Variants in EDARADD observed in about 807,000 individuals in gnomAD.
EDARADD encodes EDAR associated via death domain.
In EDARADD, 20 loss-of-function variants were observed where a neutral mutation model predicts 25.6. The ratio of observed to expected loss-of-function variants is 0.78; its 90% CI spans 0.55 to 1.14. The LOEUF is 1.14. EDARADD is among the 50% of genes most tolerant of loss of function. EDARADD has a pLI of 0.00. For synonymous variants in EDARADD, 86 were observed against 94.4 expected (o/e 0.91, Z 0.52); for missense variants, 225 against 270.1 (o/e 0.83, Z 1.17).
At chr1:236,471,541 C>T (rs1420722390) in intron 5 of EDARADD, among the ~76,000 whole-genome samples, 1 of 151,818 alleles carries the variant, frequency 6.6e-6, no homozygotes, top group East Asian at 1.9e-4. Flanking sequence ...TCTCCTTCAA[C>T]ACTTGTTGGT....
chr1:236,361,033 AAAAAAC>A (rs921946799), intron 3 of EDARADD, among the ~76,000 whole-genome samples: 1 of 150,268 alleles, frequency 6.7e-6, no homozygotes, highest in Non-Finnish European at 1.5e-5. Flanking sequence ...AGGTTTTTGT[AAAAAAC>A]AAAAACAAAA....
upstream of EDARADD, among the ~76,000 whole-genome samples, chr1:236,392,157 CCAAT>C (rs1667433612): frequency 6.6e-6 from 1 of 152,136 alleles, no homozygotes; most frequent in African/African-American, 2.4e-5. Flanking sequence ...ATGAATGAAA[CCAAT>C]CAATCCATTG....
chr1:236,439,091 G>T (rs141714878), intron 4 of EDARADD, among the ~76,000 whole-genome samples: 239 of 152,284 alleles, frequency 1.6e-3, no homozygotes, highest in Non-Finnish European at 2.3e-3. Context: ...CACATAGTTG[G>T]AATCATATGC....
chr1:236,468,878 A>G (rs562977399), intron 5 of EDARADD, among the ~76,000 whole-genome samples: 73 of 152,030 alleles, frequency 4.8e-4, no homozygotes, highest in Non-Finnish European at 7.8e-4. Flanking sequence ...CTTCCCTCTG[A>G]GTTCTAAGAG....
At chr1:236,468,757 C>G (rs1298206583) in intron 5 of EDARADD, among the ~76,000 whole-genome samples, 2 of 152,216 alleles carry the variant, frequency 1.3e-5, no homozygotes, top group African/African-American at 4.8e-5. Flanking sequence ...TTCACAAAAG[C>G]CTTCAAAGAG....
chr1:236,473,976 G>C (rs1659430339), intron 5 of EDARADD, among the ~76,000 whole-genome samples: 1 of 152,074 alleles, frequency 6.6e-6, no homozygotes, highest in Admixed American at 6.6e-5. Flanking sequence ...CATAAGACTT[G>C]GCAAAAATGG....
chr1:236,406,966 T>C (rs1235040271), intron 1 of EDARADD, among the ~76,000 whole-genome samples: 1 of 152,206 alleles, frequency 6.6e-6, no homozygotes, highest in African/African-American at 2.4e-5. Flanking sequence ...ACACAATTTG[T>C]TTTTCATTTT....
chr1:236,453,267 ATTC>A (rs1216849599), intron 4 of EDARADD, among the ~76,000 whole-genome samples: 1 of 145,576 alleles, frequency 6.9e-6, no homozygotes, highest in Non-Finnish European at 1.5e-5. Flanking sequence ...GTCCCTTGAG[ATTC>A]TTTTTTTCTT....
intron 5 of EDARADD, among the ~76,000 whole-genome samples, chr1:236,475,622 G>T (rs1321791450): frequency 1.3e-5 from 2 of 151,878 alleles, no homozygotes; most frequent in African/African-American, 4.8e-5. Flanking sequence ...AAATTAGCTG[G>T]CAGTAGTGGC....
At chr1:236,458,692 G>A (rs545917432) in intron 4 of EDARADD, among the ~76,000 whole-genome samples, 2 of 135,492 alleles carry the variant, frequency 1.5e-5, no homozygotes, top group South Asian at 4.5e-4. Context: ...TGCCCAGGCT[G>A]GAATGCGATG....
chr1:236,410,056 T>C (rs1657412634), intron 2 of EDARADD, among the ~76,000 whole-genome samples: 1 of 152,124 alleles, frequency 6.6e-6, no homozygotes, highest in South Asian at 2.1e-4. Context: ...TTCACATATA[T>C]TGGTTTTTTA....
chr1:236,350,096 C>A (rs941619431), intron 2 of EDARADD, among the ~76,000 whole-genome samples: 5 of 152,012 alleles, frequency 3.3e-5, no homozygotes, highest in Admixed American at 2.6e-4. Context: ...CAGAGTGAGA[C>A]CCTGTCTCAA....
chr1:236,482,824 CTGTT>C lies in EDARADD; in HGVS notation c.*177_*180del. The C allele has an allele frequency of 1.3e-6, 1 of 791,404 alleles. No homozygotes were observed. The highest frequency in any genetic ancestry group is 2.0e-6 in the Non-Finnish European group (1 of 499,698). 49.0% of individuals were successfully genotyped at this position (791,404 alleles called of 1,614,324 possible). On this transcript the variant is annotated 3_prime_UTR_variant, in exon 6 of 6. Coordinates refer to ENST00000334232, the MANE Select transcript of EDARADD (RefSeq NM_145861.4). ...GGTAGCTTGTTTCGGTGGTGGATCTCTGTTTATTTTTGCACATCTGTTATAATTT... is the reference window on the plus strand; with the variant it reads ...GGTAGCTTGTTTCGGTGGTGGATCTCTATTTTTGCACATCTGTTATAATTT...
At chr1:236,481,364 A>G (rs1412433356) in intron 5 of EDARADD, among the ~76,000 whole-genome samples, 3 of 152,204 alleles carry the variant, frequency 2.0e-5, no homozygotes, top group Non-Finnish European at 4.4e-5. Context: ...TCTGGCCAGC[A>G]GTGTCACAAA....
At chr1:236,454,816 T>G (rs527808205) in intron 4 of EDARADD, among the ~76,000 whole-genome samples, 4 of 152,326 alleles carry the variant, frequency 2.6e-5, no homozygotes, top group Non-Finnish European at 4.4e-5. Context: ...TAGGGAGATA[T>G]AGACTTTTCC....
At chr1:236,441,053 C>G (rs1041910607) in intron 4 of EDARADD, among the ~76,000 whole-genome samples, 1 of 151,978 alleles carries the variant, frequency 6.6e-6, no homozygotes, top group South Asian at 2.1e-4. Context: ...TCATGCTAAA[C>G]AGCCAAGTTA....
chr1:236,466,234 AGAT>A (rs1442050447), intron 4 of EDARADD, among the ~76,000 whole-genome samples: 2 of 152,214 alleles, frequency 1.3e-5, no homozygotes, highest in African/African-American at 4.8e-5. Context: ...GGAGTGTTGC[AGAT>A]GCAAACAGGC....
rs1374086132 is a variant in EDARADD at position 236,395,681 on chromosome 1, GC to G, written c.61+1179del. 1.9e-6 allele frequency: 3 copies of G among 1,560,148 alleles called. No individual in the cohort carries two copies. The highest frequency in any genetic ancestry group is 2.6e-6 in the Non-Finnish European group (3 of 1,156,648). On this transcript the variant is annotated intron_variant, in intron 1 of 5. Coordinates refer to ENST00000334232, the MANE Select transcript of EDARADD (RefSeq NM_145861.4). The surrounding 1 kb of genome is among the most constrained non-coding windows in gnomAD (Gnocchi z 6.9). Reference sequence around the variant, plus strand: ...CGCAGGTAAAGGGACACAGCGCCGCGCCCGCTCCTGGAGCGAGCACCGCGGG... The same window carrying G: ...CGCAGGTAAAGGGACACAGCGCCGCGCCGCTCCTGGAGCGAGCACCGCGGG...
chr1:236,424,189 G>A (rs1160494734), intron 3 of EDARADD, among the ~76,000 whole-genome samples: 1 of 123,102 alleles, frequency 8.1e-6, no homozygotes, highest in Non-Finnish European at 1.6e-5. Context: ...GGAACAGGAC[G>A]TTGCTCTGTC....
Sources: gnomAD v4.1 joint callset for allele counts (sites outside exome capture counted in the v4.1 genomes callset) on GRCh38, gnomAD v4.1.1 for gene constraint, Gnocchi (gnomAD v3.1) non-coding constraint, MANE v1.5 for transcripts, NCBI Gene and HGNC (gene_info 2026-07-23, HGNC 2026-07-21) for gene names.